The following USP34 variants were observed in gnomAD, a reference collection of about 807,000 sequenced individuals.
The protein encoded by USP34 is ubiquitin carboxyl-terminal hydrolase 34.
In USP34, 70 loss-of-function variants were observed where a neutral mutation model predicts 460.3. The observed-to-expected ratio is 0.15, with a 90% CI of 0.13 to 0.19. The LOEUF (loss-of-function observed/expected upper bound fraction) is 0.19. Ranked by LOEUF, USP34 falls within the 10% of genes least tolerant of loss-of-function variation. USP34 has a pLI of 1.00. For missense variants in USP34, 3,985 were observed against 4,236.2 expected (o/e 0.94, Z 1.65); for synonymous variants, 1,647 against 1,405.3 (o/e 1.17, Z -3.85).
Position 61,348,270 on chromosome 2 carries a change from G to A in USP34, c.1885C>T (p.His629Tyr), listed in dbSNP as rs761593551. Residue 629 changes from histidine (H) to tyrosine (Y), a missense_variant, in exon 15 of 80, where the codon CAT (histidine) becomes TAT (tyrosine). Physicochemically the swap from His to Tyr is moderately conservative, Grantham distance 83 (BLOSUM62 2). This residue lies in a region of USP34 where 716 missense variants were observed against 626.2 expected (regional missense o/e 1.14). Coordinates refer to ENST00000398571, the MANE Select transcript of USP34 (RefSeq NM_014709.4). Reference protein sequence around the residue: ...ALKEEDEDDDHGHNPPKSSCG... With the variant: ...ALKEEDEDDDYGHNPPKSSCG... ...CTGCTTTTGGGAGGATTATGACCAT[G>A]ATCATCGTCTTCATCTTCCTCTTTG... 8.1e-6 allele frequency: 13 copies of A among 1,614,064 alleles called. No homozygotes were observed. The highest frequency in any genetic ancestry group is 1.1e-5 in the Non-Finnish European group (13 of 1,180,028).
chr2:61,401,930 A>T (rs1693734078), intron 3 of USP34, among the ~76,000 whole-genome samples: 2 of 151,498 alleles, frequency 1.3e-5, no homozygotes, highest in Non-Finnish European at 2.9e-5. Flanking sequence ...ATTTCACAGA[A>T]TTACACATAA....
intron 3 of USP34, among the ~76,000 whole-genome samples, chr2:61,401,221 C>T (rs369523092): frequency 4.0e-5 from 6 of 150,644 alleles, no homozygotes; most frequent in African/African-American, 1.2e-4. Context: ...TTATACCATA[C>T]GTATATTTAA....
intron 53 of USP34, among the ~76,000 whole-genome samples, chr2:61,237,985 C>T (rs1426621049): frequency 1.3e-5 from 2 of 151,954 alleles, no homozygotes; most frequent in African/African-American, 2.4e-5. Context: ...CAATCTCCAC[C>T]TCCAGGTTCA....
chr2:61,429,509 C>A (rs1451900648), intron 1 of USP34, among the ~76,000 whole-genome samples: 9 of 152,116 alleles, frequency 5.9e-5, no homozygotes, highest in Non-Finnish European at 2.9e-5. Context: ...CACCTGTAGT[C>A]CTAGCTACCC....
chr2:61,411,810 C>G (rs548179993), intron 2 of USP34, among the ~76,000 whole-genome samples: 2 of 152,144 alleles, frequency 1.3e-5, no homozygotes, highest in Non-Finnish European at 1.5e-5. Flanking sequence ...CTTTTTAGTA[C>G]CCCTCTTATT....
intron 1 of USP34, among the ~76,000 whole-genome samples, chr2:61,464,717 CA>C (rs35331685): frequency 0.14 from 11,095 of 77,744 alleles, 205 homozygotes; most frequent in African/African-American, 0.16. Context: ...GACTCCGTCT[CA>C]AAAAAAAAAA....
At chr2:61,415,846 C>T (rs1240373657) in intron 2 of USP34, among the ~76,000 whole-genome samples, 1 of 152,112 alleles carries the variant, frequency 6.6e-6, no homozygotes, top group African/African-American at 2.4e-5. Context: ...ATATGCTGCC[C>T]ACCTAAATAA....
intron 10 of USP34, among the ~76,000 whole-genome samples, chr2:61,352,680 TAA>T (rs35329949): frequency 0.065 from 9,204 of 141,616 alleles, 518 homozygotes; most frequent in South Asian, 0.25. Context: ...TAACTGAGAT[TAA>T]AAAAAAAAAA....
intron 5 of USP34, among the ~76,000 whole-genome samples, chr2:61,390,297 C>T (rs1558566241): frequency 1.3e-5 from 2 of 152,134 alleles, no homozygotes; most frequent in Non-Finnish European, 2.9e-5. Context: ...GAGCTGAGGG[C>T]TGAGGAAGGA....
In USP34 at chr2:61,206,765, C is replaced by T. The variant is rs1344643982; in HGVS notation, c.9041G>A (p.Arg3014Lys). ...VLKSTRPYLQ[R>K]KDVKQALIQW... is the part of the protein sequence containing the mutation. ...AGAAGTAGGAATGAGCAAACCTTTT[C>T]TCTGAAGATAAGGGCGTGTAGACTT... The change falls in exon 71 of 80, where the codon AGA becomes AAA. Residue 3014 changes from arginine to lysine, a missense_variant. Arg to Lys is a conservative substitution (Grantham distance 26). Transcript: ENST00000398571. 1 of 1,612,924 alleles carries T rather than the reference C, an allele frequency of 6.2e-7. No homozygotes were observed. The highest frequency in any genetic ancestry group is 1.7e-5 in the Admixed American group (1 of 59,812).
intron 1 of USP34, among the ~76,000 whole-genome samples, chr2:61,461,105 G>C (rs1695585981): frequency 6.6e-6 from 1 of 151,840 alleles, no homozygotes; most frequent in Non-Finnish European, 1.5e-5. Context: ...AAGAAGGTAA[G>C]AGGGGCCGGG....
intron 76 of USP34, chr2:61,190,954 G>A (rs2103734163): frequency 4.5e-6 from 1 of 223,604 alleles, no homozygotes; most frequent in Non-Finnish European, 8.8e-6. Context: ...CACTGAGAGA[G>A]TTAACAAGGA....
At chr2:61,226,029 C>CA (rs1423763594) in intron 62 of USP34, among the ~76,000 whole-genome samples, 3 of 152,122 alleles carry the variant, frequency 2.0e-5, no homozygotes, top group Non-Finnish European at 4.4e-5. Context: ...TCACAGGTGC[C>CA]AAAGTAGCAT....
At chr2:61,355,592 C>A (rs918926758) in intron 10 of USP34, among the ~76,000 whole-genome samples, 1 of 151,522 alleles carries the variant, frequency 6.6e-6, no homozygotes, top group African/African-American at 2.4e-5. Context: ...AAAAGGAAAT[C>A]GAACTGTTTC....
At chr2:61,190,452 G>A (rs754368859) in intron 77 of USP34, 38 bp from the exon 78 acceptor site, 7 of 1,602,526 alleles carry the variant, frequency 4.4e-6, no homozygotes, top group Admixed American at 3.5e-5. Context: ...CAAAAGACCA[G>A]CATAATGAAA....
At chr2:61,216,258 C>G (rs1687393295) in intron 67 of USP34, among the ~76,000 whole-genome samples, 4 of 152,152 alleles carry the variant, frequency 2.6e-5, no homozygotes. Context: ...TCATCCTGAT[C>G]AATTTTTGCA....
rs975576727 is a variant in USP34, at chr2:61,325,225, T to C, written c.3013+150A>G. 5 of 533,304 alleles carry C rather than the reference T, an allele frequency of 9.4e-6. No individual in the cohort carries two copies. In the East Asian group the frequency reaches 1.4e-4, roughly 15 times the overall value. The allele number at this position is 533,304 out of a possible 1,614,324, so 33.0% of individuals were successfully genotyped here. A position where few individuals can be genotyped will look rare whatever the true frequency, so the allele number is the denominator to read the frequency against. ...CAATACTGGTAGGGATTTGTTACAATACCCTGTAACAAACATACATGTGCC... is the reference window on the plus strand; with the variant it reads ...CAATACTGGTAGGGATTTGTTACAACACCCTGTAACAAACATACATGTGCC... On this transcript the variant is annotated intron_variant, in intron 21 of 79. Coordinates refer to ENST00000398571, the MANE Select transcript of USP34 (RefSeq NM_014709.4).
intron 37 of USP34, 96 bp downstream of exon 37, chr2:61,283,049 C>CA: frequency 1.6e-6 from 2 of 1,287,262 alleles, no homozygotes; most frequent in Non-Finnish European, 1.1e-6. Flanking sequence ...TTTATGGACT[C>CA]ACGCATATTT....
chr2:61,469,562 T>A (rs1428942851), intron 1 of USP34, among the ~76,000 whole-genome samples: 1 of 152,234 alleles, frequency 6.6e-6, no homozygotes, highest in African/African-American at 2.4e-5. Flanking sequence ...TTTATTATTG[T>A]CTTTGGTCAT....
Sources: allele counts gnomAD v4.1 joint callset (sites outside exome capture counted in the v4.1 genomes callset), GRCh38; gene constraint gnomAD v4.1.1; regional missense constraint gnomAD v4.1.1; transcripts MANE v1.5; gene names NCBI Gene and HGNC (gene_info 2026-07-23, HGNC 2026-07-21).